The following KDM4C variants were observed in gnomAD, a reference collection of about 807,000 sequenced individuals.
KDM4C encodes lysine-specific demethylase 4C.
Under a neutral mutation model 129.3 loss-of-function variants are expected in KDM4C, and 81 were observed. That is an observed-to-expected ratio of 0.63 (90% CI 0.52 to 0.75). The LOEUF (loss-of-function observed/expected upper bound fraction) is 0.75, where lower values mean the gene tolerates loss of function less well. Ranked by LOEUF, KDM4C falls within the 30% of genes least tolerant of loss-of-function variation. The pLI, the probability that KDM4C is intolerant of heterozygous loss-of-function variation, is 0.00. For missense variants in KDM4C, 1,457 were observed against 1,304.0 expected (o/e 1.12, Z -1.81); for synonymous variants, 573 against 456.1 (o/e 1.26, Z -3.26).
chr9:6,924,845 G>A, intron 8 of KDM4C: 1 of 983,244 alleles, frequency 1.0e-6, no homozygotes. Flanking sequence ...AAATAAGACA[G>A]GCTGTCCACT....
chr9:6,943,353 A>G (rs1005727785), intron 8 of KDM4C, among the ~76,000 whole-genome samples: 2 of 152,206 alleles, frequency 1.3e-5, no homozygotes, highest in African/African-American at 2.4e-5. Context: ...AGTCATTATC[A>G]TTTGAGGAAA....
At chr9:6,920,171 ATTGT>A (rs912412138) in intron 8 of KDM4C, among the ~76,000 whole-genome samples, 5 of 151,934 alleles carry the variant, frequency 3.3e-5, no homozygotes, top group African/African-American at 9.7e-5. Context: ...GGTGCTGGTG[ATTGT>A]TTGGGGATGA....
intron 8 of KDM4C, among the ~76,000 whole-genome samples, chr9:6,966,243 C>T (rs1008840413): frequency 1.3e-5 from 2 of 152,000 alleles, no homozygotes; most frequent in Admixed American, 6.5e-5. Flanking sequence ...AGTGCAGTGG[C>T]GGGATCTCGG....
upstream of KDM4C, among the ~76,000 whole-genome samples, chr9:6,753,771 A>C (rs1276223436): frequency 3.9e-5 from 6 of 152,100 alleles, no homozygotes; most frequent in East Asian, 1.2e-3. Context: ...CAGAGCCCTC[A>C]TGGACTAATC....
chr9:6,999,225 G>C (rs920611947), intron 12 of KDM4C, among the ~76,000 whole-genome samples: 4 of 152,162 alleles, frequency 2.6e-5, no homozygotes, highest in Non-Finnish European at 4.4e-5. Flanking sequence ...TGTTTTAACT[G>C]TATTGATGTA....
chr9:6,726,613 C>T (rs4742247), intron 1 of KDM4C: 33,797 of 152,322 alleles, frequency 0.22, 3,797 homozygotes, highest in South Asian at 0.3. Context: ...CCTCAACTCT[C>T]GGGCAGGTGG....
chr9:6,773,373 C>T (rs1288250604), intron 1 of KDM4C, among the ~76,000 whole-genome samples: 1 of 152,050 alleles, frequency 6.6e-6, no homozygotes, highest in Non-Finnish European at 1.5e-5. Context: ...TATTTAATGC[C>T]AGTGTCATTG....
intron 5 of KDM4C, among the ~76,000 whole-genome samples, chr9:6,867,661 T>C (rs1842249315): frequency 6.6e-6 from 1 of 152,234 alleles, no homozygotes; most frequent in East Asian, 1.9e-4. Flanking sequence ...CTATGTTTGG[T>C]AATTTATGAT....
chr9:6,900,871 T>C (rs908971934), intron 8 of KDM4C, among the ~76,000 whole-genome samples: 3 of 152,120 alleles, frequency 2.0e-5, no homozygotes, highest in East Asian at 1.9e-4. Flanking sequence ...GACTTGTGTA[T>C]AGAGAATGAG....
At position 6,731,698 on chromosome 9, in the gene KDM4C, G is replaced by A. The variant is rs569565542; in HGVS notation, c.49+10701G>A. On this transcript the variant is annotated intron_variant, in intron 1 of 17. Coordinates refer to the KDM4C transcript ENST00000536108. ...GCGCATGAGCTCAGTTCAAAACAAT[G>A]GCCTTCCATAATTTTGTTTAAAAAA... 1.2e-4 allele frequency among the ~76,000 whole-genome samples: 19 copies of A among 152,132 alleles called. No individual in the cohort carries two copies. In the East Asian group the frequency reaches 2.7e-3, roughly 22 times the overall value.
At chr9:6,755,501 T>G (rs556541925), upstream of KDM4C, among the ~76,000 whole-genome samples, 74 of 152,284 alleles carry the variant, frequency 4.9e-4, no homozygotes, top group African/African-American at 1.5e-3. Flanking sequence ...TGAGCCGATA[T>G]GGCGCCACTG....
intron 14 of KDM4C, among the ~76,000 whole-genome samples, chr9:7,015,393 C>T (rs12348962): frequency 1.3e-5 from 2 of 151,998 alleles, no homozygotes; most frequent in African/African-American, 4.8e-5. Context: ...ATAGACAAAT[C>T]GAATTGAAAA....
chr9:7,049,212 AG>A lies in KDM4C; in HGVS notation c.2424+13del. The A allele has an allele frequency of 6.9e-7, 1 of 1,447,020 alleles. No homozygotes were observed. Among genetic ancestry groups the A allele is most frequent in the Non-Finnish European group, 9.7e-7 (1 of 1,034,734 alleles). 89.6% of individuals were successfully genotyped at this position (1,447,020 alleles called of 1,614,324 possible). A position where few individuals can be genotyped will look rare whatever the true frequency, so the allele number is the denominator to read the frequency against. ...AGAGGTTAAAATTGGTGAGTGGCAA[AG>A]CTTCTTTTTTACCTCATAAATTAGT... On this transcript the variant is annotated intron_variant, in intron 17 of 21. Transcript: ENST00000381309.
At position 6,832,273 on chromosome 9, in the gene KDM4C, G is replaced by A. The variant is rs528103027; in HGVS notation, c.436-17234G>A. Among the ~76,000 whole-genome samples the A allele has an allele frequency of 2.7e-5, 4 of 150,124 alleles. No homozygotes were observed. The South Asian group carries it at 8.5e-4, about 32-fold the overall frequency. ...GAGAATGGTGTGAACCCGGGAGGCG[G>A]AGCTTGCAGTGAGCTGAGATTGCGC... On this transcript the variant is annotated intron_variant, in intron 4 of 21. Transcript: ENST00000381309.
chr9:6,833,630 GT>G (rs1417492610), intron 4 of KDM4C, among the ~76,000 whole-genome samples: 2 of 152,188 alleles, frequency 1.3e-5, no homozygotes, highest in Non-Finnish European at 2.9e-5. Flanking sequence ...TGATGGTAGT[GT>G]TTAGCTGGCA....
At chr9:7,170,760 G>A (rs1328201619) in intron 21 of KDM4C, 9 of 983,840 alleles carry the variant, frequency 9.1e-6, no homozygotes, top group Non-Finnish European at 1.1e-5. Context: ...CTTGTCTGCA[G>A]TGATAGAGTC....
chr9:6,739,706 C>G (rs1034672773), intron 1 of KDM4C, among the ~76,000 whole-genome samples: 3 of 149,890 alleles, frequency 2.0e-5, no homozygotes, highest in African/African-American at 7.4e-5. Flanking sequence ...CTTTAAATAG[C>G]CCAGTAAGCT....
At chr9:6,957,223 A>G (rs1009031057) in intron 8 of KDM4C, among the ~76,000 whole-genome samples, 2 of 152,202 alleles carry the variant, frequency 1.3e-5, no homozygotes, top group African/African-American at 2.4e-5. Context: ...GCTTAGGAAG[A>G]TTATGTTCTG....
At chr9:7,107,009 CCT>C (rs1478723650) in intron 18 of KDM4C, among the ~76,000 whole-genome samples, 1 of 151,696 alleles carries the variant, frequency 6.6e-6, no homozygotes, top group African/African-American at 2.4e-5. Flanking sequence ...ACAGCTGATC[CCT>C]GTTATTTCAA....
Sources: allele counts gnomAD v4.1 joint callset (sites outside exome capture counted in the v4.1 genomes callset), GRCh38; gene constraint gnomAD v4.1.1; transcripts MANE v1.5; gene names NCBI Gene and HGNC (gene_info 2026-07-23, HGNC 2026-07-21).